The following NRG1 variants were observed in gnomAD, a reference collection of about 807,000 sequenced individuals.
NRG1 encodes neuregulin 1.
A neutral mutation model predicts 63.8 loss-of-function variants in NRG1; 18 were observed. The observed-to-expected ratio is 0.28, with a 90% confidence interval of 0.19 to 0.42. The LOEUF (loss-of-function observed/expected upper bound fraction) is 0.42, where lower values mean the gene tolerates loss of function less well. Among genes scored for constraint, NRG1 ranks in the 10% least tolerant of loss-of-function variants. The pLI, the probability that NRG1 is intolerant of heterozygous loss-of-function variation, is 1.00. For synonymous variants in NRG1, 302 were observed against 301.3 expected, an observed-to-expected ratio of 1.00 and a Z score of -0.02; for missense variants, 762 against 814.7, an observed-to-expected ratio of 0.94 and a Z score of 0.79.
intron 1 of NRG1, among the ~76,000 whole-genome samples, chr8:31,832,957 A>G (rs541499366): frequency 6.6e-6 from 1 of 152,278 alleles, no homozygotes; most frequent in African/African-American, 2.4e-5. Flanking sequence ...CTTTAGGATG[A>G]AGTTACCAAG....
At chr8:32,250,717 C>T (rs1024459059) in intron 1 of NRG1, among the ~76,000 whole-genome samples, 1 of 120,120 alleles carries the variant, frequency 8.3e-6, no homozygotes, top group African/African-American at 3.3e-5. Flanking sequence ...TTTAAGAATA[C>T]AAATATTTTG....
chr8:32,167,364 G>C (rs1371810492), intron 1 of NRG1, among the ~76,000 whole-genome samples: 1 of 152,132 alleles, frequency 6.6e-6, no homozygotes, highest in African/African-American at 2.4e-5. Flanking sequence ...TATATCCTCA[G>C]TGTCTAGAAA....
intron 1 of NRG1, among the ~76,000 whole-genome samples, chr8:32,353,443 CATT>C (rs1399229037): frequency 2.6e-5 from 4 of 151,420 alleles, no homozygotes; most frequent in Non-Finnish European, 5.9e-5. Flanking sequence ...ACTAATGAAA[CATT>C]ATATTTTAAT....
intron 1 of NRG1, among the ~76,000 whole-genome samples, chr8:32,008,795 G>A (rs1814237615): frequency 6.6e-6 from 1 of 152,156 alleles, no homozygotes; most frequent in South Asian, 2.1e-4. Context: ...CTCTTTCTGT[G>A]ACTCAAAGCT....
chr8:32,209,822 G>C (rs965376489), intron 1 of NRG1, among the ~76,000 whole-genome samples: 1 of 150,712 alleles, frequency 6.6e-6, no homozygotes, highest in Non-Finnish European at 1.5e-5. Context: ...GGACAGGAAG[G>C]CTCAGTGATC....
intron 1 of NRG1, among the ~76,000 whole-genome samples, chr8:32,264,164 A>G (rs955389660): frequency 6.6e-6 from 1 of 152,180 alleles, no homozygotes; most frequent in Non-Finnish European, 1.5e-5. Flanking sequence ...AAACTGACAC[A>G]GCCACAAAAA....
At chr8:31,973,773 G>T (rs1273070529) in intron 1 of NRG1, among the ~76,000 whole-genome samples, 2 of 152,202 alleles carry the variant, frequency 1.3e-5, no homozygotes, top group Non-Finnish European at 2.9e-5. Context: ...ATGGTTTGTT[G>T]TCTGTGTGGA....
chr8:31,956,040 C>CAAAAAAAAAAA (rs11386219), intron 1 of NRG1, among the ~76,000 whole-genome samples: 5 of 128,072 alleles, frequency 3.9e-5, no homozygotes, highest in African/African-American at 1.8e-4. Context: ...GAACCTGTCT[C>CAAAAAAAAAAA]AAAAAAAAAA....
At chr8:32,759,373 C>G in exon 10 of NRG1, 1 of 1,613,986 alleles carries the variant, frequency 6.2e-7, no homozygotes. Context: ...ACATCCTTTT[C>G]CACCAGTCAC....
At chr8:32,716,854 A>G (rs2128994574) in intron 5 of NRG1, among the ~76,000 whole-genome samples, 1 of 151,760 alleles carries the variant, frequency 6.6e-6, no homozygotes, top group East Asian at 1.9e-4. Context: ...ATAGCAGCAA[A>G]GCCAGATGAT....
intron 1 of NRG1, among the ~76,000 whole-genome samples, chr8:31,700,043 G>T (rs78452935): frequency 8.1e-4 from 123 of 152,254 alleles, no homozygotes; most frequent in African/African-American, 2.8e-3. Flanking sequence ...GGTGGTTCTT[G>T]TAAGATAAAA....
intron 1 of NRG1, among the ~76,000 whole-genome samples, chr8:31,877,481 GTA>G (rs971883301): frequency 1.3e-5 from 2 of 149,922 alleles, no homozygotes; most frequent in African/African-American, 4.9e-5. Context: ...CTCCATGTAT[GTA>G]TGTGTGTGTG....
chr8:32,046,552 A>G (rs768047643), intron 1 of NRG1, among the ~76,000 whole-genome samples: 1 of 152,128 alleles, frequency 6.6e-6, no homozygotes, highest in Non-Finnish European at 1.5e-5. Context: ...TCAAAATGCC[A>G]TTCAACAGGT....
At chr8:32,199,248 T>C (rs1283983533) in intron 1 of NRG1, among the ~76,000 whole-genome samples, 1 of 152,176 alleles carries the variant, frequency 6.6e-6, no homozygotes, top group Non-Finnish European at 1.5e-5. Context: ...AGCTTCTGCT[T>C]TAATTCCAGC....
intron 1 of NRG1, among the ~76,000 whole-genome samples, chr8:31,942,842 C>T (rs1176226302): frequency 1.3e-5 from 2 of 151,062 alleles, no homozygotes; most frequent in East Asian, 3.9e-4. Flanking sequence ...CTATGTGATA[C>T]CACCTTACTT....
chr8:32,498,420 A>G (rs1827474454), intron 1 of NRG1, among the ~76,000 whole-genome samples: 1 of 152,234 alleles, frequency 6.6e-6, no homozygotes, highest in Non-Finnish European at 1.5e-5. Context: ...ACTTACAATC[A>G]TGGCAGAAGG....
intron 1 of NRG1, among the ~76,000 whole-genome samples, chr8:31,942,113 G>T (rs950722700): frequency 6.6e-6 from 1 of 152,072 alleles, no homozygotes; most frequent in Non-Finnish European, 1.5e-5. Flanking sequence ...AAATCTGAAG[G>T]CATCACATTA....
intron 3 of NRG1, among the ~76,000 whole-genome samples, chr8:32,608,092 G>GTTTTTT (rs1226154193): frequency 4.7e-5 from 5 of 106,150 alleles, no homozygotes; most frequent in African/African-American, 1.0e-4. Flanking sequence ...GGTTTTTTTT[G>GTTTTTT]TTTTTTTTTT....
At chr8:31,928,926 A>G (rs1834643315) in intron 1 of NRG1, among the ~76,000 whole-genome samples, 1 of 152,162 alleles carries the variant, frequency 6.6e-6, no homozygotes. Context: ...TACAATGTAC[A>G]CTACTTGGGT....
Sources: gnomAD v4.1 joint callset for allele counts (sites outside exome capture counted in the v4.1 genomes callset) on GRCh38, gnomAD v4.1.1 for gene constraint, MANE v1.5 for transcripts, NCBI Gene and HGNC (gene_info 2026-07-23, HGNC 2026-07-21) for gene names.